The following LDLRAD4 variants were observed in gnomAD, a reference collection of about 807,000 sequenced individuals.
The protein encoded by LDLRAD4 is low density lipoprotein receptor class A domain containing 4, also known as low-density lipoprotein receptor class A domain-containing protein 4.
A neutral mutation model predicts 17.0 loss-of-function variants in LDLRAD4; 5 were observed. That is an observed-to-expected ratio of 0.29 (90% confidence interval 0.15 to 0.62). The LOEUF (loss-of-function observed/expected upper bound fraction) is 0.62. LDLRAD4 is among the 20% of genes least tolerant of loss of function. The pLI is 0.84. For synonymous variants in LDLRAD4, 168 were observed against 171.8 expected (o/e 0.98, Z 0.17); for missense variants, 340 against 424.7 (o/e 0.80, Z 1.75).
At chr18:13,446,599 C>G (rs1041960051) in intron 3 of LDLRAD4, among the ~76,000 whole-genome samples, 3 of 152,196 alleles carry the variant, frequency 2.0e-5, no homozygotes, top group East Asian at 3.9e-4. Flanking sequence ...TCGATTGTGT[C>G]CTGTCCAGGT....
In LDLRAD4 at chr18:13,440,401, C is replaced by T. The variant is rs1008382730; in HGVS notation, c.181+2017C>T. On this transcript the variant is annotated intron_variant, in intron 3 of 5. Coordinates refer to ENST00000359446, the Ensembl canonical transcript of LDLRAD4. The surrounding 1 kb of genome is among the most constrained non-coding windows in gnomAD (Gnocchi z 4.4). The stretch of plus-strand genomic sequence containing the variant: ...TGCCTAGAAGCCGAGGGAGCAGTTA[C>T]ATCCATCAGTGGCTCAACTTTGCCC... Among the ~76,000 whole-genome samples, 5 of 152,208 alleles carry T rather than the reference C, an allele frequency of 3.3e-5. No individual in the cohort carries two copies. Among genetic ancestry groups the T allele is most frequent in the African/African-American group, 4.8e-5 (2 of 41,440 alleles).
At chr18:13,643,239 C>T in intron 4 of LDLRAD4, 120 bp from the exon 6 acceptor site, 1 of 629,432 alleles carries the variant, frequency 1.6e-6, no homozygotes, top group Non-Finnish European at 2.7e-6. Flanking sequence ...CGGCCTCGCT[C>T]CACGTTTTAT....
chr18:13,599,069 G>A (rs543571060), intron 3 of LDLRAD4, among the ~76,000 whole-genome samples: 84 of 152,316 alleles, frequency 5.5e-4, no homozygotes, highest in Admixed American at 1.1e-3. Flanking sequence ...GTGGTAATAG[G>A]AAGCCTATGG....
At position 13,438,173 on chromosome 18, in the gene LDLRAD4, C is replaced by T. The variant is rs888083673; in HGVS notation, c.41-71C>T. 35 of 1,450,890 alleles carry T rather than the reference C, an allele frequency of 2.4e-5. No homozygotes were observed. The African/African-American group carries it at 4.7e-4, about 20-fold the overall frequency. The allele number at this position is 1,450,890 out of a possible 1,614,324, so 89.9% of individuals were successfully genotyped here. On this transcript the variant is annotated intron_variant, in intron 2 of 5. Coordinates refer to ENST00000359446, the Ensembl canonical transcript of LDLRAD4. ...GCATGCAAATGGGGGAAAGAAAAAC[C>T]AACGACAGTCACAGCTCAAGAGCAC...
At chr18:13,542,813 A>G (rs1185228682) in intron 3 of LDLRAD4, 1 of 152,146 alleles carries the variant, frequency 6.6e-6, no homozygotes, top group Non-Finnish European at 1.5e-5. Flanking sequence ...TCGAGCACAG[A>G]TCTGCTGGGT....
intron 4 of LDLRAD4, among the ~76,000 whole-genome samples, chr18:13,624,569 G>A (rs998678007): frequency 5.3e-5 from 8 of 152,228 alleles, no homozygotes; most frequent in African/African-American, 1.9e-4. Flanking sequence ...TTTGGGATGG[G>A]GGAGTGTCAG....
intron 3 of LDLRAD4, among the ~76,000 whole-genome samples, chr18:13,530,470 T>C (rs1002020252): frequency 1.2e-4 from 18 of 152,244 alleles, no homozygotes; most frequent in African/African-American, 3.9e-4. Context: ...CTGCGTGTTC[T>C]TGGGCAGCGT....
chr18:13,443,905 G>T (rs1438731959), intron 3 of LDLRAD4, among the ~76,000 whole-genome samples: 3 of 152,176 alleles, frequency 2.0e-5, no homozygotes, highest in Admixed American at 6.5e-5. Context: ...TGTGAACGCT[G>T]TGTGTGTGAA....
intron 3 of LDLRAD4, among the ~76,000 whole-genome samples, chr18:13,493,913 A>T (rs2147144148): frequency 6.6e-6 from 1 of 152,344 alleles, no homozygotes; most frequent in African/African-American, 2.4e-5. Context: ...GGGGCCACCC[A>T]GGGGGTCCCC....
At chr18:13,614,445 C>T (rs1024493467) in intron 3 of LDLRAD4, 1 of 152,172 alleles carries the variant, frequency 6.6e-6, no homozygotes, top group East Asian at 1.9e-4. Flanking sequence ...TTTTCCCTTT[C>T]GTTCTACTTG....
At chr18:13,354,220 T>C (rs9947830) in intron 1 of LDLRAD4, among the ~76,000 whole-genome samples, 50,287 of 151,920 alleles carry the variant, frequency 0.33, 8,335 homozygotes, top group South Asian at 0.4. Context: ...ACCCAGTCTC[T>C]AAAAAAAGAA....
chr18:13,324,584 G>C (rs1158379090), intron 1 of LDLRAD4, among the ~76,000 whole-genome samples: 1 of 152,194 alleles, frequency 6.6e-6, no homozygotes, highest in African/African-American at 2.4e-5. Flanking sequence ...GCTTCTCGCA[G>C]GAGCACGTTG....
At chr18:13,443,699 G>GTCA (rs1001491664) in intron 3 of LDLRAD4, among the ~76,000 whole-genome samples, 1 of 149,920 alleles carries the variant, frequency 6.7e-6, no homozygotes, top group Non-Finnish European at 1.5e-5. Context: ...TCCTGTCGTC[G>GTCA]TCGTCGTCGT....
intron 2 of LDLRAD4, among the ~76,000 whole-genome samples, chr18:13,400,084 G>A (rs958297091): frequency 3.8e-4 from 58 of 152,176 alleles, no homozygotes; most frequent in African/African-American, 1.3e-3. Context: ...CGGCGTTAGC[G>A]GTTATTGACT....
At chr18:13,527,861 G>A (rs955956453) in intron 3 of LDLRAD4, among the ~76,000 whole-genome samples, 5 of 152,236 alleles carry the variant, frequency 3.3e-5, no homozygotes, top group South Asian at 2.1e-4. Context: ...TGGAGACCCC[G>A]GGCTGCCACT....
intron 1 of LDLRAD4, among the ~76,000 whole-genome samples, chr18:13,318,114 T>C (rs948401361): frequency 6.6e-6 from 1 of 152,190 alleles, no homozygotes; most frequent in Non-Finnish European, 1.5e-5. Flanking sequence ...CCCTGAGTGT[T>C]GTCAGCACTG....
chr18:13,411,747 C>T lies in LDLRAD4; in HGVS notation c.40+23985C>T, dbSNP rs148965619. ...TCTTTCCTTTATAAATTATCCAGTC[C>T]CTGTTATGTCTTTATTAGCAGTGTG... On this transcript the variant is annotated intron_variant, in intron 2 of 5. Transcript: ENST00000359446. Among the ~76,000 whole-genome samples, 707 of 152,244 alleles carry T rather than the reference C, an allele frequency of 4.6e-3. 10 individuals are homozygous for T. The highest frequency in any genetic ancestry group is 0.017 in the African/African-American group (686 of 41,526).
intron 3 of LDLRAD4, among the ~76,000 whole-genome samples, chr18:13,493,772 G>T (rs2093405654): frequency 6.6e-6 from 1 of 152,174 alleles, no homozygotes; most frequent in Non-Finnish European, 1.5e-5. Context: ...ATCCGTGGCT[G>T]GGAAGAGGGG....
intron 3 of LDLRAD4, among the ~76,000 whole-genome samples, chr18:13,464,248 A>G (rs532857931): frequency 2.0e-5 from 3 of 152,352 alleles, no homozygotes; most frequent in East Asian, 1.9e-4. Flanking sequence ...CACATTTTCT[A>G]TTATGGTTTT....
Sources: allele counts gnomAD v4.1 joint callset (sites outside exome capture counted in the v4.1 genomes callset), GRCh38; gene constraint gnomAD v4.1.1; non-coding constraint Gnocchi (gnomAD v3.1); transcripts MANE v1.5; gene names NCBI Gene and HGNC (gene_info 2026-07-23, HGNC 2026-07-21).